The following AUTS2 variants were observed in gnomAD, a reference collection of about 807,000 sequenced individuals.
AUTS2 encodes activator of transcription and developmental regulator AUTS2, also known as autism susceptibility gene 2 protein.
AUTS2 carries 17 observed loss-of-function variants against 112.4 expected under a neutral mutation model. That is an observed-to-expected ratio of 0.15 (90% CI 0.10 to 0.23). AUTS2 has a LOEUF of 0.23. Ranked by LOEUF, AUTS2 falls within the 10% of genes least tolerant of loss-of-function variation. The pLI, the probability that AUTS2 is intolerant of heterozygous loss-of-function variation, is 1.00. For synonymous variants in AUTS2, 751 were observed against 702.7 expected (o/e 1.07, Z -1.09); for missense variants, 1,510 against 1,701.6 (o/e 0.89, Z 1.98).
intron 5 of AUTS2, among the ~76,000 whole-genome samples, chr7:70,658,553 G>A (rs942070203): frequency 4.6e-5 from 7 of 152,136 alleles, no homozygotes; most frequent in African/African-American, 1.7e-4. Flanking sequence ...ACAGGCTTCT[G>A]GGGGGCTTCT....
intron 2 of AUTS2, among the ~76,000 whole-genome samples, chr7:70,020,441 G>C (rs992634753): frequency 1.3e-5 from 2 of 152,106 alleles, no homozygotes; most frequent in African/African-American, 4.8e-5. Context: ...AGTTCACAAG[G>C]GCACTGATGT....
chr7:70,644,368 A>C (rs1254768691), intron 5 of AUTS2, among the ~76,000 whole-genome samples: 1 of 152,178 alleles, frequency 6.6e-6, no homozygotes, highest in Non-Finnish European at 1.5e-5. Context: ...AGGGAAGAGC[A>C]TTCCAAACAG....
Position 69,995,021 on chromosome 7 carries a change from C to T in AUTS2, c.522+95523C>T, listed in dbSNP as rs544064137. ...GCTTCCAAATGACAATGGGCTGTAC[C>T]GGGCTTTGTGGCCTTAATAAGCCCT... On this transcript the variant is annotated intron_variant, in intron 2 of 18. Transcript: ENST00000342771. Among the ~76,000 whole-genome samples, 137 of 152,222 alleles carry T rather than the reference C, an allele frequency of 9.0e-4. 1 individual carries two copies. The highest frequency in any genetic ancestry group is 4.4e-3 in the Admixed American group (67 of 15,282).
In AUTS2 at chr7:69,790,110, G is replaced by A. The variant is rs139039596; in HGVS notation, c.310-109176G>A. On this transcript the variant is annotated intron_variant, in intron 1 of 18. Coordinates refer to ENST00000342771, the MANE Select transcript of AUTS2 (RefSeq NM_015570.4). Reference sequence around the variant, plus strand: ...AGCCTGGGCAAAATAGTGAGACCTCGTCTCTACTAAAAATAAAAAATAAAA... The same window carrying A: ...AGCCTGGGCAAAATAGTGAGACCTCATCTCTACTAAAAATAAAAAATAAAA... Among the ~76,000 whole-genome samples, 321 of 151,454 alleles carry A rather than the reference G, an allele frequency of 2.1e-3. 1 individual carries two copies. The highest frequency in any genetic ancestry group is 7.4e-3 in the African/African-American group (306 of 41,238).
rs80096110 is a variant in AUTS2, at chr7:70,395,632, C to T, written c.661-40120C>T. Among the ~76,000 whole-genome samples, 1,258 of 152,248 alleles carry T rather than the reference C, an allele frequency of 8.3e-3. 45 individuals are homozygous for T. In the East Asian group the frequency reaches 0.1, roughly 12 times the overall value. ...TTTCACAAGTGATCTCAGTTAGCTGCCATGTGCTTAACATAGGTTGAAAGT... is the reference window on the plus strand; with the variant it reads ...TTTCACAAGTGATCTCAGTTAGCTGTCATGTGCTTAACATAGGTTGAAAGT... On this transcript the variant is annotated intron_variant, in intron 4 of 18. Coordinates refer to ENST00000342771, the MANE Select transcript of AUTS2 (RefSeq NM_015570.4).
intron 2 of AUTS2, among the ~76,000 whole-genome samples, chr7:70,100,511 G>A (rs986680013): frequency 4.6e-5 from 7 of 151,392 alleles, no homozygotes; most frequent in African/African-American, 1.7e-4. Context: ...CCTGTGTCAT[G>A]TTGGTTTGTT....
At chr7:70,283,815 A>T (rs1788333373) in intron 4 of AUTS2, among the ~76,000 whole-genome samples, 1 of 152,158 alleles carries the variant, frequency 6.6e-6, no homozygotes, top group South Asian at 2.1e-4. Flanking sequence ...GCAGACTGAC[A>T]TTCAAGTCAG....
At chr7:69,642,774 A>T (rs1794850478) in intron 1 of AUTS2, among the ~76,000 whole-genome samples, 1 of 152,116 alleles carries the variant, frequency 6.6e-6, no homozygotes, top group Non-Finnish European at 1.5e-5. Context: ...GCAATTATTG[A>T]TTTGTGAGGG....
At chr7:69,864,364 G>A (rs1039310335) in intron 1 of AUTS2, among the ~76,000 whole-genome samples, 4 of 152,114 alleles carry the variant, frequency 2.6e-5, no homozygotes, top group East Asian at 1.9e-4. Context: ...AGATGATGCA[G>A]CTCTCTCCTG....
intron 1 of AUTS2, among the ~76,000 whole-genome samples, chr7:69,717,452 C>G (rs1326388277): frequency 6.6e-6 from 1 of 152,126 alleles, no homozygotes; most frequent in Non-Finnish European, 1.5e-5. Context: ...AACTTTATAG[C>G]ATTTCAGCCG....
chr7:70,218,088 C>G (rs1292531149), intron 4 of AUTS2, among the ~76,000 whole-genome samples: 1 of 152,184 alleles, frequency 6.6e-6, no homozygotes, highest in Non-Finnish European at 1.5e-5. Flanking sequence ...ATACACTACT[C>G]CATGATCTGG....
intron 5 of AUTS2, among the ~76,000 whole-genome samples, chr7:70,690,115 AACT>A (rs760540142): frequency 4.6e-5 from 7 of 152,224 alleles, no homozygotes; most frequent in South Asian, 2.1e-4. Flanking sequence ...TAGATAAGGA[AACT>A]GAGGCAGGGA....
At chr7:70,263,885 A>G (rs966100730) in intron 4 of AUTS2, among the ~76,000 whole-genome samples, 3 of 152,218 alleles carry the variant, frequency 2.0e-5, no homozygotes, top group Non-Finnish European at 4.4e-5. Flanking sequence ...AATTTCCTTC[A>G]AGAGCCTGAA....
intron 2 of AUTS2, among the ~76,000 whole-genome samples, chr7:69,928,264 C>T (rs571978678): frequency 1.3e-5 from 2 of 152,278 alleles, no homozygotes; most frequent in African/African-American, 4.8e-5. Flanking sequence ...AAGCACCATT[C>T]TAGTGGCCAA....
chr7:69,624,332 T>C (rs1296037385), intron 1 of AUTS2, among the ~76,000 whole-genome samples: 1 of 152,116 alleles, frequency 6.6e-6, no homozygotes, highest in Admixed American at 6.5e-5. Context: ...TAAAATGTGG[T>C]TTCTTAGTTT....
chr7:69,913,881 C>T (rs79812294), intron 2 of AUTS2, among the ~76,000 whole-genome samples: 4 of 152,198 alleles, frequency 2.6e-5, no homozygotes, highest in Non-Finnish European at 4.4e-5. Flanking sequence ...CAAGTTCCTT[C>T]GTACCCTGGA....
At chr7:70,224,953 C>T (rs1041309116) in intron 4 of AUTS2, among the ~76,000 whole-genome samples, 18 of 152,126 alleles carry the variant, frequency 1.2e-4, no homozygotes, top group Admixed American at 9.8e-4. Context: ...TTAGGTTTGT[C>T]GAAGTGTATT....
At chr7:70,747,280 C>T (rs1788511253) in intron 6 of AUTS2, among the ~76,000 whole-genome samples, 1 of 152,192 alleles carries the variant, frequency 6.6e-6, no homozygotes, top group African/African-American at 2.4e-5. Context: ...GAAGCATCAA[C>T]TTGGTTGTCT....
intron 2 of AUTS2, among the ~76,000 whole-genome samples, chr7:69,994,061 G>T (rs1185443447): frequency 6.6e-6 from 1 of 152,012 alleles, no homozygotes; most frequent in Non-Finnish European, 1.5e-5. Flanking sequence ...TATAAGAAAA[G>T]AATTAAGAGA....
Sources: allele counts gnomAD v4.1 joint callset (sites outside exome capture counted in the v4.1 genomes callset), GRCh38; gene constraint gnomAD v4.1.1; transcripts MANE v1.5; gene names NCBI Gene and HGNC (gene_info 2026-07-23, HGNC 2026-07-21).